The following SHOC2 variants were observed in gnomAD, a reference collection of about 807,000 sequenced individuals.
The protein encoded by SHOC2 is leucine-rich repeat protein SHOC-2.
In SHOC2, 4 loss-of-function variants were observed where a neutral mutation model predicts 50.2. The ratio of observed to expected loss-of-function variants is 0.08; its 90% CI spans 0.04 to 0.18. SHOC2 has a LOEUF of 0.18. SHOC2 is among the 10% of genes least tolerant of loss of function. The pLI, the probability that SHOC2 is intolerant of heterozygous loss-of-function variation, is 1.00. For missense variants in SHOC2, 388 were observed against 669.6 expected (o/e 0.58, Z 4.64); for synonymous variants, 218 against 244.5 (o/e 0.89, Z 1.01).
chr10:110,973,369 C>A (rs920076090), intron 2 of SHOC2, among the ~76,000 whole-genome samples: 1 of 152,124 alleles, frequency 6.6e-6, no homozygotes, highest in Non-Finnish European at 1.5e-5. Context: ...ATTTACCAAT[C>A]TTTGATTGCC....
chr10:111,013,599 C>T lies in SHOC2; in HGVS notation c.*1781C>T, dbSNP rs1219941211. On this transcript the variant is annotated 3_prime_UTR_variant, in exon 9 of 9. Transcript: ENST00000369452. ...ATATCCTTTCTTTTTTTTTTCCCCC[C>T]ATCTGCTGTGGCTTTTCAGTTAAAA... The T allele has an allele frequency of 1.3e-5, 2 of 151,398 alleles. No individual in the cohort carries two copies. Among genetic ancestry groups the T allele is most frequent in the East Asian group, 3.9e-4 (2 of 5,168 alleles). 9.4% of individuals were successfully genotyped at this position (151,398 alleles called of 1,614,324 possible). A position where few individuals can be genotyped will look rare whatever the true frequency, so the allele number is the denominator to read the frequency against.
intron 1 of SHOC2, among the ~76,000 whole-genome samples, chr10:110,941,477 A>G (rs973212572): frequency 4.0e-5 from 6 of 151,862 alleles, no homozygotes; most frequent in African/African-American, 7.3e-5. Context: ...GATTACAGGT[A>G]TGTGCCACCA....
At chr10:111,002,190 A>C (rs1019786897) in intron 4 of SHOC2, among the ~76,000 whole-genome samples, 2 of 152,110 alleles carry the variant, frequency 1.3e-5, no homozygotes, top group African/African-American at 4.8e-5. Flanking sequence ...CTTGAGCCTC[A>C]CTCCCAGTCC....
intron 4 of SHOC2, among the ~76,000 whole-genome samples, chr10:111,001,229 C>T (rs1046022599): frequency 6.8e-6 from 1 of 147,666 alleles, no homozygotes; most frequent in African/African-American, 2.5e-5. Flanking sequence ...GCGATCTTGG[C>T]TCGGCTGCAA....
intron 2 of SHOC2, among the ~76,000 whole-genome samples, chr10:110,978,345 C>G (rs752813688): frequency 6.6e-6 from 1 of 152,114 alleles, no homozygotes; most frequent in East Asian, 1.9e-4. Flanking sequence ...CTGTGGATTC[C>G]ATTATCCTCT....
rs11422342 is a variant in SHOC2, at chr10:110,936,095, A to ATT, written c.-235+16455_-235+16456dup. Among the ~76,000 whole-genome samples the ATT allele has an allele frequency of 7.8e-4, 101 of 129,872 alleles. 1 individual carries two copies. Among genetic ancestry groups the ATT allele is most frequent in the East Asian group, 4.1e-3 (19 of 4,614 alleles). The allele number at this position is 129,872 out of a possible 152,430, so 85.2% of individuals were successfully genotyped here. A position where few individuals can be genotyped will look rare whatever the true frequency, so the allele number is the denominator to read the frequency against. ...GAGTACTCTAGATATTGCTTCACTG[A>ATT]TTTTTTTTTTTTTTTTTTGAGTCGG... is the stretch of plus-strand genomic sequence containing the variant. On this transcript the variant is annotated intron_variant, in intron 1 of 8. Coordinates refer to ENST00000369452, the MANE Select transcript of SHOC2 (RefSeq NM_007373.4).
chr10:110,928,711 A>G (rs1193619308), intron 1 of SHOC2, among the ~76,000 whole-genome samples: 1 of 152,140 alleles, frequency 6.6e-6, no homozygotes, highest in Non-Finnish European at 1.5e-5. Context: ...CCTGGGCAGC[A>G]TGGTGAAACC....
intron 3 of SHOC2, among the ~76,000 whole-genome samples, chr10:110,997,699 C>T (rs766106253): frequency 5.9e-5 from 9 of 152,074 alleles, no homozygotes; most frequent in Non-Finnish European, 1.2e-4. Flanking sequence ...AAGTATCTTA[C>T]GCACGTTATA....
At chr10:110,985,901 A>T in intron 3 of SHOC2, 136 bp downstream of exon 3, 2 of 729,772 alleles carry the variant, frequency 2.7e-6, no homozygotes, top group Non-Finnish European at 4.6e-6. Context: ...TTTTAAGATA[A>T]TATTTTAAAA....
chr10:110,971,031 CT>C (rs1391924119), intron 2 of SHOC2, among the ~76,000 whole-genome samples: 1 of 152,006 alleles, frequency 6.6e-6, no homozygotes, highest in African/African-American at 2.4e-5. Flanking sequence ...GTTTCCTTTG[CT>C]CTGCAGAAGT....
At chr10:110,959,276 C>G (rs1241510966) in intron 1 of SHOC2, among the ~76,000 whole-genome samples, 1 of 152,098 alleles carries the variant, frequency 6.6e-6, no homozygotes, top group South Asian at 2.1e-4. Context: ...CAGTGATCAT[C>G]AGAAATAACA....
chr10:110,988,674 T>C (rs1239467650), intron 3 of SHOC2, among the ~76,000 whole-genome samples: 1 of 152,146 alleles, frequency 6.6e-6, no homozygotes, highest in Admixed American at 6.5e-5. Context: ...GGTTTTTATT[T>C]CATTGATTTC....
At chr10:110,953,737 T>A (rs1466574347) in intron 1 of SHOC2, among the ~76,000 whole-genome samples, 1 of 151,716 alleles carries the variant, frequency 6.6e-6, no homozygotes, top group African/African-American at 2.4e-5. Context: ...CGTGTATATA[T>A]ATATATATAT....
At chr10:110,995,177 A>G (rs1848248047) in intron 3 of SHOC2, among the ~76,000 whole-genome samples, 1 of 152,364 alleles carries the variant, frequency 6.6e-6, no homozygotes, top group Non-Finnish European at 1.5e-5. Flanking sequence ...TGCCTATTGT[A>G]TGCTTAGCAC....
chr10:110,923,521 A>C (rs1846696045), intron 1 of SHOC2, among the ~76,000 whole-genome samples: 1 of 152,162 alleles, frequency 6.6e-6, no homozygotes, highest in Non-Finnish European at 1.5e-5. Flanking sequence ...TTTTGAGATA[A>C]TGGTAGTGTA....
intron 2 of SHOC2, among the ~76,000 whole-genome samples, chr10:110,983,594 C>G (rs1405454801): frequency 6.6e-6 from 1 of 152,110 alleles, no homozygotes; most frequent in East Asian, 1.9e-4. Flanking sequence ...CATTGCTGTG[C>G]AACGATTACC....
At chr10:110,947,970 G>A (rs571725949) in intron 1 of SHOC2, among the ~76,000 whole-genome samples, 217 of 152,176 alleles carry the variant, frequency 1.4e-3, no homozygotes, top group African/African-American at 5.2e-3. Flanking sequence ...ACAGTATTAT[G>A]CCTAAAAGAG....
At chr10:110,992,655 C>T (rs1405635752) in intron 3 of SHOC2, among the ~76,000 whole-genome samples, 1 of 152,140 alleles carries the variant, frequency 6.6e-6, no homozygotes, top group African/African-American at 2.4e-5. Context: ...AGAAATGTTA[C>T]ATTAATTATG....
chr10:111,011,907 G>A lies in SHOC2; in HGVS notation c.*89G>A. 1 of 1,014,210 alleles carries A rather than the reference G, an allele frequency of 9.9e-7. No individual in the cohort carries two copies. The highest frequency in any genetic ancestry group is 1.3e-5 in the South Asian group (1 of 74,614). 62.8% of individuals were successfully genotyped at this position (1,014,210 alleles called of 1,614,324 possible). A position where few individuals can be genotyped will look rare whatever the true frequency, so the allele number is the denominator to read the frequency against. On this transcript the variant is annotated 3_prime_UTR_variant, in exon 9 of 9. Transcript: ENST00000369452. ...TCTGTATCTATTTATGTAGATATTG[G>A]TATATGGCAGATTTATAAAAATTGC... is the stretch of plus-strand genomic sequence containing the variant.
Sources: allele counts gnomAD v4.1 joint callset (sites outside exome capture counted in the v4.1 genomes callset), GRCh38; gene constraint gnomAD v4.1.1; transcripts MANE v1.5; gene names NCBI Gene and HGNC (gene_info 2026-07-23, HGNC 2026-07-21).